The following NUBPL variants were observed in gnomAD, a reference collection of about 807,000 sequenced individuals.
NUBPL encodes iron-sulfur cluster transfer protein NUBPL.
NUBPL carries 31 observed loss-of-function variants against 45.7 expected under a neutral mutation model. That is an observed-to-expected ratio of 0.68 (90% CI 0.51 to 0.92). The LOEUF is 0.92. NUBPL is among the 40% of genes least tolerant of loss of function. The pLI is 0.00. For missense variants in NUBPL, 401 were observed against 398.7 expected, an observed-to-expected ratio of 1.01 and a Z score of -0.05; for synonymous variants, 144 against 140.9, an observed-to-expected ratio of 1.02 and a Z score of -0.15.
At chr14:31,806,782 C>G (rs545710236) in intron 7 of NUBPL, among the ~76,000 whole-genome samples, 1 of 151,694 alleles carries the variant, frequency 6.6e-6, no homozygotes, top group African/African-American at 2.4e-5. Flanking sequence ...TCCCCCCACA[C>G]CACGACAGGC....
chr14:31,573,275 A>G (rs900682534), intron 3 of NUBPL, among the ~76,000 whole-genome samples: 4 of 152,154 alleles, frequency 2.6e-5, no homozygotes, highest in Non-Finnish European at 4.4e-5. Flanking sequence ...GTTATGGGGC[A>G]TATGTCTGTA....
At chr14:31,800,579 T>G (rs930883733) in intron 7 of NUBPL, among the ~76,000 whole-genome samples, 9 of 152,206 alleles carry the variant, frequency 5.9e-5, no homozygotes, top group African/African-American at 1.9e-4. Flanking sequence ...GCTACAAACC[T>G]TCAATTTGTA....
chr14:31,639,083 G>T (rs574935681), intron 4 of NUBPL, among the ~76,000 whole-genome samples: 1 of 152,108 alleles, frequency 6.6e-6, no homozygotes, highest in African/African-American at 2.4e-5. Context: ...TCTTCTCTCA[G>T]CTCGTCAAAG....
At chr14:31,755,126 C>A (rs949805834) in intron 6 of NUBPL, among the ~76,000 whole-genome samples, 62 of 151,940 alleles carry the variant, frequency 4.1e-4, no homozygotes, top group African/African-American at 1.4e-3. Flanking sequence ...GGTTCCAAAT[C>A]TTTGCTATTG....
chr14:31,698,641 G>A (rs760964876), intron 6 of NUBPL, among the ~76,000 whole-genome samples: 4 of 152,058 alleles, frequency 2.6e-5, no homozygotes, highest in East Asian at 1.9e-4. Context: ...AAAAAGGCAC[G>A]AAACCTGTCC....
chr14:31,854,253 G>A (rs572683491), intron 10 of NUBPL, among the ~76,000 whole-genome samples: 2 of 152,268 alleles, frequency 1.3e-5, no homozygotes, highest in South Asian at 4.1e-4. Flanking sequence ...TGTATTATCT[G>A]TGCCTCTAGA....
chr14:31,800,143 A>C (rs1476528831), intron 7 of NUBPL, among the ~76,000 whole-genome samples: 1 of 152,196 alleles, frequency 6.6e-6, no homozygotes, highest in African/African-American at 2.4e-5. Flanking sequence ...TCACATCTTC[A>C]GATCCCACTT....
At chr14:31,775,632 A>G (rs1490845405) in intron 6 of NUBPL, among the ~76,000 whole-genome samples, 3 of 152,082 alleles carry the variant, frequency 2.0e-5, no homozygotes, top group African/African-American at 7.2e-5. Context: ...TTAATTCATT[A>G]TGCTGTCTAT....
intron 8 of NUBPL, among the ~76,000 whole-genome samples, chr14:31,840,316 G>A (rs2040348611): frequency 6.6e-6 from 1 of 152,152 alleles, no homozygotes; most frequent in South Asian, 2.1e-4. Flanking sequence ...GCTCACACCT[G>A]TAATCCCAGC....
chr14:31,750,610 ATTC>A (rs1402636609), intron 6 of NUBPL, among the ~76,000 whole-genome samples: 1 of 151,976 alleles, frequency 6.6e-6, no homozygotes, highest in Non-Finnish European at 1.5e-5. Context: ...TTGCTTTATC[ATTC>A]TTCTTTTGTC....
intron 6 of NUBPL, among the ~76,000 whole-genome samples, chr14:31,776,732 T>C (rs559671734): frequency 2.6e-5 from 4 of 152,338 alleles, no homozygotes; most frequent in Admixed American, 6.5e-5. Context: ...ATTGGTCTAA[T>C]ACAGTTCCAA....
intron 7 of NUBPL, among the ~76,000 whole-genome samples, chr14:31,792,020 G>T (rs1002851887): frequency 4.6e-5 from 7 of 152,178 alleles, no homozygotes; most frequent in Middle Eastern, 6.8e-3. Flanking sequence ...TCTCAGAAGG[G>T]TTTAGTGGCT....
chr14:31,812,546 T>C (rs1358468610), intron 7 of NUBPL, among the ~76,000 whole-genome samples: 1 of 152,226 alleles, frequency 6.6e-6, no homozygotes, highest in Non-Finnish European at 1.5e-5. Context: ...CTGTCAGGGC[T>C]TCCCTTGGCT....
chr14:31,713,183 G>A (rs1253510357), intron 6 of NUBPL, among the ~76,000 whole-genome samples: 2 of 152,126 alleles, frequency 1.3e-5, no homozygotes, highest in Middle Eastern at 3.2e-3. Context: ...AAAACTACTG[G>A]GTTGGTTTCA....
chr14:31,670,406 C>G (rs1364216867), intron 4 of NUBPL, among the ~76,000 whole-genome samples: 3 of 152,114 alleles, frequency 2.0e-5, no homozygotes, highest in African/African-American at 7.2e-5. Context: ...CACATATTTT[C>G]TACCATTTTA....
intron 4 of NUBPL, among the ~76,000 whole-genome samples, chr14:31,670,471 G>C (rs1450934841): frequency 1.3e-5 from 2 of 152,046 alleles, no homozygotes; most frequent in African/African-American, 2.4e-5. Context: ...AATCTCTTAA[G>C]TTTAATTAGA....
At position 31,750,780 on chromosome 14, in the gene NUBPL, T is replaced by A. The variant is rs146563428; in HGVS notation, c.514-37000T>A. Among the ~76,000 whole-genome samples the A allele has an allele frequency of 2.0e-3, 302 of 152,310 alleles. 1 individual carries two copies. Among genetic ancestry groups the A allele is most frequent in the African/African-American group, 6.7e-3 (278 of 41,564 alleles). On this transcript the variant is annotated intron_variant, in intron 6 of 10. Transcript: ENST00000281081. ...TCTGGTTGTATATAGTAATGTGGTC[T>A]CTGTGTGGTATTTTTGGCTGTAATC...
chr14:31,750,125 AT>A (rs1431104950), intron 6 of NUBPL, among the ~76,000 whole-genome samples: 2 of 150,276 alleles, frequency 1.3e-5, no homozygotes, highest in Non-Finnish European at 3.0e-5. Context: ...TCTTTTTATT[AT>A]CTGTCTTTAT....
intron 4 of NUBPL, among the ~76,000 whole-genome samples, chr14:31,636,936 A>G (rs28862034): frequency 0.16 from 25,027 of 152,098 alleles, 5,893 homozygotes; most frequent in African/African-American, 0.53. Flanking sequence ...CAGTGGTGAT[A>G]TCCCATTTAT....
Sources: gnomAD v4.1 joint callset for allele counts (sites outside exome capture counted in the v4.1 genomes callset) on GRCh38, gnomAD v4.1.1 for gene constraint, MANE v1.5 for transcripts, NCBI Gene and HGNC (gene_info 2026-07-23, HGNC 2026-07-21) for gene names.